Variants in TNK2 observed in about 807,000 individuals in gnomAD.
TNK2 encodes activated CDC42 kinase 1.
In TNK2, 83 loss-of-function variants were observed where a neutral mutation model predicts 101.8. That is an observed-to-expected ratio of 0.82 (90% CI 0.68 to 0.98). The LOEUF (loss-of-function observed/expected upper bound fraction) is 0.98. Ranked by LOEUF, TNK2 falls within the 50% of genes least tolerant of loss-of-function variation. The pLI, the probability that TNK2 is intolerant of heterozygous loss-of-function variation, is 0.00. For missense variants in TNK2, 1,665 were observed against 1,483.2 expected (o/e 1.12, Z -2.01); for synonymous variants, 804 against 633.0 (o/e 1.27, Z -4.06).
At chr3:195,896,153 G>C (rs990737467) in intron 1 of TNK2, 21 of 454,974 alleles carry the variant, frequency 4.6e-5, no homozygotes, top group African/African-American at 4.0e-4. Context: ...CTGGCGCGAG[G>C]CCATCGCCGG....
At chr3:195,903,494 G>C (rs563218828) in intron 1 of TNK2, among the ~76,000 whole-genome samples, 1 of 152,172 alleles carries the variant, frequency 6.6e-6, no homozygotes, top group South Asian at 2.1e-4. Context: ...AGGCGGGCAG[G>C]TCACCTGAGG....
chr3:195,882,088 A>G lies in TNK2; in HGVS notation c.850T>C (p.Tyr284His), dbSNP rs1283591444. ...MRALPQNDDH[Y>H]VMQEHRKVPF... Reference sequence around the variant, plus strand: ...ACCTTGCGATGTTCCTGCATGACGTAATGGTCGTCATTCTGAGGTAGTGCT... The same window carrying G: ...ACCTTGCGATGTTCCTGCATGACGTGATGGTCGTCATTCTGAGGTAGTGCT... Residue 284 changes from tyrosine to histidine, a missense_variant, in exon 6 of 16, where the codon TAC (tyrosine) becomes CAC (histidine). Around this residue, in one of 3 missense-constraint regions of TNK2, gnomAD observed 490 missense variants for 522.5 expected, o/e 0.94. Coordinates refer to ENST00000672887, the MANE Select transcript of TNK2 (RefSeq NM_001382273.1). The surrounding 1 kb of genome is among the most constrained non-coding windows in gnomAD (Gnocchi z 4.2). 2 of 1,613,296 alleles carry G rather than the reference A, an allele frequency of 1.2e-6. No homozygotes were observed. Among genetic ancestry groups the G allele is most frequent in the Non-Finnish European group, 8.5e-7 (1 of 1,179,696 alleles).
At chr3:195,908,253 C>G (rs898863624) in intron 1 of TNK2, 25 of 153,398 alleles carry the variant, frequency 1.6e-4, no homozygotes, top group Non-Finnish European at 2.8e-4. Flanking sequence ...GCCACCCAGA[C>G]GTCCCGCCTG....
At chr3:195,896,543 T>C (rs1256950188) in intron 1 of TNK2, among the ~76,000 whole-genome samples, 1 of 152,130 alleles carries the variant, frequency 6.6e-6, no homozygotes, top group Admixed American at 6.5e-5. Context: ...CACATACTAG[T>C]CTTGGGAGTA....
chr3:195,894,103 G>A (rs552774964), intron 1 of TNK2, among the ~76,000 whole-genome samples: 4 of 152,294 alleles, frequency 2.6e-5, no homozygotes, highest in Non-Finnish European at 5.9e-5. Context: ...CCAAACCTTG[G>A]CTGACTGTGC....
chr3:195,880,014 G>A (rs1751505671), intron 6 of TNK2, among the ~76,000 whole-genome samples: 1 of 152,182 alleles, frequency 6.6e-6, no homozygotes, highest in Non-Finnish European at 1.5e-5. Flanking sequence ...TGTAAAGCCA[G>A]CTGCTCGTTA....
In TNK2 at chr3:195,882,940, C is replaced by G. The variant is rs1753855419; in HGVS notation, c.609+217G>C. Among the ~76,000 whole-genome samples, 1 of 152,204 alleles carries G rather than the reference C, an allele frequency of 6.6e-6. No individual in the cohort carries two copies. The highest frequency in any genetic ancestry group is 1.5e-5 in the Non-Finnish European group (1 of 68,028). ...TCCCATGGGAGTAACTCTCTTGACA[C>G]TGAGCACCAGCAAAATCCAGAGACA... On this transcript the variant is annotated intron_variant, in intron 5 of 15. Transcript: ENST00000672887. The surrounding 1 kb of genome is among the most constrained non-coding windows in gnomAD (Gnocchi z 4.2).
intron 12 of TNK2, 105 bp downstream of exon 12, chr3:195,869,392 C>CCCCAACCCA: frequency 9.4e-7 from 1 of 1,064,402 alleles, no homozygotes. Flanking sequence ...CACACCCACC[C>CCCCAACCCA]ACCTCCCCTC....
intron 1 of TNK2, chr3:195,892,496 C>A (rs1375309147): frequency 2.0e-6 from 3 of 1,535,386 alleles, no homozygotes; most frequent in South Asian, 1.2e-5. Context: ...CATCTCCACG[C>A]AGCGGGACCC....
chr3:195,887,927 CGT>C lies in TNK2; in HGVS notation c.163+497_163+498del, dbSNP rs756505563. Among the ~76,000 whole-genome samples, 78 of 140,188 alleles carry C rather than the reference CGT, an allele frequency of 5.6e-4. 1 individual carries two copies. The highest frequency in any genetic ancestry group is 3.6e-3 in the Middle Eastern group (1 of 278). The allele number at this position is 140,188 out of a possible 152,430, so 92.0% of individuals were successfully genotyped here. On this transcript the variant is annotated intron_variant, in intron 2 of 15. Coordinates refer to ENST00000672887, the MANE Select transcript of TNK2 (RefSeq NM_001382273.1). Reference sequence around the variant, plus strand: ...GTGTGCACGTGCATGCGTGCGTGCACGTGTGTGCGCATGTGCGTGTGTGCCTG... The same window carrying C: ...GTGTGCACGTGCATGCGTGCGTGCACGTGTGCGCATGTGCGTGTGTGCCTG...
intron 1 of TNK2, among the ~76,000 whole-genome samples, chr3:195,891,100 CTTTA>C (rs375714676): frequency 1.3e-5 from 2 of 152,222 alleles, no homozygotes; most frequent in African/African-American, 4.8e-5. Context: ...TTTCTATTAA[CTTTA>C]TTTAAGACAA....
chr3:195,888,751 G>T lies in TNK2; in HGVS notation c.-18-145C>A. The T allele has an allele frequency of 1.3e-6, 1 of 770,282 alleles. No individual in the cohort carries two copies. The highest frequency in any genetic ancestry group is 2.0e-6 in the Non-Finnish European group (1 of 496,188). 47.7% of individuals were successfully genotyped at this position (770,282 alleles called of 1,614,324 possible). A position where few individuals can be genotyped will look rare whatever the true frequency, so the allele number is the denominator to read the frequency against. On this transcript the variant is annotated intron_variant, in intron 1 of 15. Transcript: ENST00000672887. The surrounding 1 kb of genome is among the most constrained non-coding windows in gnomAD (Gnocchi z 5.3). ...TCTGACTCCCGAGGGAAGCTACCGA[G>T]AACCGCCTGGACCCACGTCCCCTAT...
chr3:195,883,776 G>T (rs533851228), intron 4 of TNK2: 2 of 156,916 alleles, frequency 1.3e-5, no homozygotes, highest in African/African-American at 4.8e-5. Context: ...CACCACGCCT[G>T]GCTAATTTTG....
intron 1 of TNK2, among the ~76,000 whole-genome samples, chr3:195,904,407 AGGCC>A (rs2149876138): frequency 6.6e-6 from 1 of 152,334 alleles, no homozygotes; most frequent in East Asian, 1.9e-4. Context: ...TGAATACGCT[AGGCC>A]GAGGTGAAAT....
At chr3:195,865,978 G>A (rs561115884) in intron 15 of TNK2, among the ~76,000 whole-genome samples, 216 of 152,182 alleles carry the variant, frequency 1.4e-3, no homozygotes, top group Admixed American at 2.4e-3. Context: ...GTATCTCCAG[G>A]GCCTGGCCCG....
rs1323106491 is a variant in TNK2, at chr3:195,886,424, C to T, written c.234+553G>A. ...GCTGGCTCACTTCCTCTCTCATTGT[C>T]TTCCAGACAATGGGCAAAGTTCCAC... is the stretch of plus-strand genomic sequence containing the variant. On this transcript the variant is annotated intron_variant, in intron 3 of 15. Transcript: ENST00000672887. This position sits in a 1 kb window ranked among gnomAD's most constrained non-coding sequence, Gnocchi z 4.2. Among the ~76,000 whole-genome samples the T allele has an allele frequency of 6.6e-6, 1 of 152,144 alleles. No homozygotes were observed. The highest frequency in any genetic ancestry group is 1.5e-5 in the Non-Finnish European group (1 of 68,036).
rs903803063 is a variant in TNK2, at chr3:195,884,744, G to T, written c.456+68C>A. ...CAGTCCCATCCACACCCTGGTTGGG[G>T]GCAGAAGAGCCACTACCAGCCCCGG... On this transcript the variant is annotated intron_variant, in intron 4 of 15. Coordinates refer to ENST00000672887, the MANE Select transcript of TNK2 (RefSeq NM_001382273.1). 258 of 1,452,064 alleles carry T rather than the reference G, an allele frequency of 1.8e-4. 1 individual carries two copies. In the South Asian group the frequency reaches 2.1e-3, roughly 12 times the overall value. The allele number at this position is 1,452,064 out of a possible 1,614,324, so 89.9% of individuals were successfully genotyped here.
intron 1 of TNK2, chr3:195,896,688 A>G (rs1297859809): frequency 6.5e-6 from 1 of 154,154 alleles, no homozygotes; most frequent in South Asian, 1.9e-4. Flanking sequence ...CCCCCTGTAA[A>G]TCTCTGGCGT....
chr3:195,887,892 G>A (rs901305794), intron 2 of TNK2, among the ~76,000 whole-genome samples: 4 of 126,496 alleles, frequency 3.2e-5, no homozygotes, highest in South Asian at 2.2e-4. Context: ...GCGTACGCAC[G>A]TGCATGCGTG....
Sources: gnomAD v4.1 joint callset for allele counts (sites outside exome capture counted in the v4.1 genomes callset) on GRCh38, gnomAD v4.1.1 for gene constraint, gnomAD v4.1.1 regional missense constraint, Gnocchi (gnomAD v3.1) non-coding constraint, MANE v1.5 for transcripts, NCBI Gene and HGNC (gene_info 2026-07-23, HGNC 2026-07-21) for gene names.